The following NHS variants were observed in gnomAD, a reference collection of about 807,000 sequenced individuals.
NHS encodes the protein NHS actin remodeling regulator, also known as actin remodeling regulator NHS.
Under a neutral mutation model 72.5 loss-of-function variants are expected in NHS, and 5 were observed. The observed-to-expected ratio is 0.07, with a 90% CI of 0.04 to 0.14. The LOEUF (loss-of-function observed/expected upper bound fraction) is 0.14. NHS is among the 10% of genes least tolerant of loss of function. NHS has a pLI of 1.00. For synonymous variants in NHS, 464 were observed against 547.7 expected (o/e 0.85, Z 2.13); for missense variants, 1,072 against 1,355.7 (o/e 0.79, Z 3.29).
At chrX:17,498,739 G>A (rs759475744) in intron 1 of NHS, among the ~76,000 whole-genome samples, 10 of 110,981 alleles carry the variant, frequency 9.0e-5, no homozygotes, top group South Asian at 3.9e-4. Context: ...GAGTTATTGC[G>A]GAGAAACAAC....
intron 1 of NHS, among the ~76,000 whole-genome samples, chrX:17,414,512 G>A (rs772977370): frequency 1.8e-5 from 2 of 111,786 alleles, no homozygotes; most frequent in South Asian, 3.8e-4. Flanking sequence ...TCCCTCCCCC[G>A]TCTCCGCGCC....
chrX:17,378,106 T>C (rs1462809191), intron 1 of NHS, among the ~76,000 whole-genome samples: 2 of 96,111 alleles, frequency 2.1e-5, no homozygotes, highest in Admixed American at 2.3e-4. Flanking sequence ...TCTCCTTAAG[T>C]TAGATTTCAC....
intron 1 of NHS, 32 bp downstream of exon 1, chrX:17,376,354 A>G (rs1479007054): frequency 1.5e-5 from 17 of 1,118,401 alleles, no homozygotes; most frequent in South Asian, 5.8e-5. Flanking sequence ...CCGCCAGGCT[A>G]TGGGTTTCTG....
At chrX:17,496,095 TCCTCTGG>T (rs2065011286) in intron 1 of NHS, among the ~76,000 whole-genome samples, 1 of 111,014 alleles carries the variant, frequency 9.0e-6, no homozygotes, top group African/African-American at 3.3e-5. Context: ...CCCTCCAATC[TCCTCTGG>T]GTGCCTCCTC....
intron 1 of NHS, among the ~76,000 whole-genome samples, chrX:17,542,215 G>GGGCCTTTTGAAGC (rs2065267370): frequency 8.8e-6 from 1 of 113,260 alleles, no homozygotes; most frequent in Non-Finnish European, 1.9e-5. Context: ...AAGACGGCCA[G>GGGCCTTTTGAAGC]GGCCTTTTGA....
intron 8 of NHS, among the ~76,000 whole-genome samples, chrX:17,729,926 T>C (rs1396274180): frequency 8.9e-6 from 1 of 112,452 alleles, no homozygotes; most frequent in African/African-American, 3.2e-5. Flanking sequence ...GGAATTCTAC[T>C]TTTTATAGGA....
intron 3 of NHS, among the ~76,000 whole-genome samples, chrX:17,699,806 T>C (rs1397498868): frequency 8.9e-6 from 1 of 112,065 alleles, no homozygotes; most frequent in Non-Finnish European, 1.9e-5. Context: ...AAAATATGCA[T>C]GAACTATTCT....
At chrX:17,568,013 G>A (rs1224916090) in intron 1 of NHS, among the ~76,000 whole-genome samples, 1 of 111,189 alleles carries the variant, frequency 9.0e-6, no homozygotes, top group African/African-American at 3.3e-5. Flanking sequence ...CAGTCCTCTT[G>A]TCTAATTCTG....
rs184370084 is a variant in NHS, at chrX:17,594,780, G to C, written c.566-92962G>C. On this transcript the variant is annotated intron_variant, in intron 1 of 8. Transcript: ENST00000676302. ...GGAAGCAGGCTGTGACTGGGGAAAA[G>C]TTCTAAGCAAGTTTGTGGCCTTAGC... Among the ~76,000 whole-genome samples, 17 of 112,841 alleles carry C rather than the reference G, an allele frequency of 1.5e-4. No homozygotes were observed. In the Admixed American group the frequency reaches 1.6e-3, roughly 10 times the overall value.
chrX:17,512,903 A>G (rs72616041), intron 1 of NHS, among the ~76,000 whole-genome samples: 2 of 111,706 alleles, frequency 1.8e-5, no homozygotes, highest in East Asian at 2.8e-4. Context: ...TTCACACCCA[A>G]GTAAGTTCAG....
At chrX:17,714,488 G>A (rs2066353673) in intron 3 of NHS, among the ~76,000 whole-genome samples, 1 of 111,752 alleles carries the variant, frequency 8.9e-6, no homozygotes, top group East Asian at 2.8e-4. Context: ...TCCTGCTCAT[G>A]CTGTCTTATC....
At chrX:17,589,610 A>G (rs2065592966) in intron 1 of NHS, among the ~76,000 whole-genome samples, 1 of 110,185 alleles carries the variant, frequency 9.1e-6, no homozygotes, top group Non-Finnish European at 1.9e-5. Context: ...TTGGTTCCCT[A>G]TTTTTGCAAT....
chrX:17,486,838 G>T (rs1042163408), intron 1 of NHS, among the ~76,000 whole-genome samples: 5 of 111,855 alleles, frequency 4.5e-5, no homozygotes, highest in African/African-American at 1.6e-4. Flanking sequence ...CATTTTCCAT[G>T]CTTAGAACAT....
chrX:17,590,643 G>GT (rs1407985385), intron 1 of NHS, among the ~76,000 whole-genome samples: 1 of 111,709 alleles, frequency 9.0e-6, no homozygotes, highest in Non-Finnish European at 1.9e-5. Context: ...AAAAACAAGG[G>GT]TTTTTTATTT....
At chrX:17,541,424 G>A (rs1471196235) in intron 1 of NHS, among the ~76,000 whole-genome samples, 2 of 111,950 alleles carry the variant, frequency 1.8e-5, no homozygotes, top group African/African-American at 3.3e-5. Context: ...ACCTCACAGG[G>A]TGATTGTGAA....
chrX:17,674,781 C>T (rs942846036), intron 1 of NHS, among the ~76,000 whole-genome samples: 5 of 112,118 alleles, frequency 4.5e-5, no homozygotes, highest in African/African-American at 1.6e-4. Context: ...TTCAAGTCTT[C>T]TGGAGATCAA....
chrX:17,731,952 A>G lies in NHS; in HGVS notation c.4444A>G (p.Ser1482Gly). Reference sequence around the variant, plus strand: ...CCTCAGCAGTAGCAGCAGCAGCGCCAGTTCCATCACTTCACCCAGCAGTAA... The same window carrying G: ...CCTCAGCAGTAGCAGCAGCAGCGCCGGTTCCATCACTTCACCCAGCAGTAA... The part of the protein sequence containing the change: ...APLSSSSSSA[S>G]SITSPSSNVT... The change falls in exon 9 of 9, where the codon AGT (serine) becomes GGT (glycine). Residue 1482 changes from serine to glycine, a missense_variant. Physicochemically the swap from Ser to Gly is moderately conservative, Grantham distance 56 (BLOSUM62 0). Coordinates refer to ENST00000676302, the MANE Select transcript of NHS (RefSeq NM_001291867.2). 8.3e-7 allele frequency: 1 copy of G among 1,211,889 alleles called. No homozygotes were observed. Among genetic ancestry groups the G allele is most frequent in the African/African-American group, 1.7e-5 (1 of 57,831 alleles).
Position 17,376,467 on chromosome X carries a change from T to TC in NHS, c.565+149dup, listed in dbSNP as rs762150610. On this transcript the variant is annotated intron_variant, in intron 1 of 8. Coordinates refer to ENST00000676302, the MANE Select transcript of NHS (RefSeq NM_001291867.2). Reference sequence around the variant, plus strand: ...TACTCTCGCCTTCCCACCCTTCCCATCCCCTGGGACCCACCCCAATCCTCC... The same window carrying TC: ...TACTCTCGCCTTCCCACCCTTCCCATCCCCCTGGGACCCACCCCAATCCTCC... The TC allele has an allele frequency of 3.3e-3, 1,786 of 543,933 alleles. 5 individuals carry two copies. Among genetic ancestry groups the TC allele is most frequent in the Non-Finnish European group, 5.0e-3 (1,662 of 330,817 alleles). 44.8% of individuals were successfully genotyped at this position (543,933 alleles called of 1,213,427 possible). A position where few individuals can be genotyped will look rare whatever the true frequency, so the allele number is the denominator to read the frequency against.
At chrX:17,447,165 T>C (rs138784728) in intron 1 of NHS, among the ~76,000 whole-genome samples, 1,434 of 111,534 alleles carry the variant, frequency 0.013, 27 homozygotes, top group African/African-American at 0.044. Context: ...CCAATATTAA[T>C]TGTCTACTGT....
Sources: gnomAD v4.1 joint callset for allele counts (sites outside exome capture counted in the v4.1 genomes callset) on GRCh38, gnomAD v4.1.1 for gene constraint, MANE v1.5 for transcripts, NCBI Gene and HGNC (gene_info 2026-07-23, HGNC 2026-07-21) for gene names.